The following CAPN14 variants were observed in gnomAD, a reference collection of about 807,000 sequenced individuals.
CAPN14 encodes the protein calpain-14.
In CAPN14, 94 loss-of-function variants were observed where a neutral mutation model predicts 101.3. That is an observed-to-expected ratio of 0.93 (90% CI 0.79 to 1.10). The LOEUF is 1.10. Ranked by LOEUF, CAPN14 falls within the 50% of genes least tolerant of loss-of-function variation. The pLI is 0.00. For synonymous variants in CAPN14, 338 were observed against 317.9 expected, an observed-to-expected ratio of 1.06 and a Z score of -0.67; for missense variants, 837 against 828.4, an observed-to-expected ratio of 1.01 and a Z score of -0.13.
In CAPN14 at chr2:31,177,834, A is replaced by G; in HGVS notation, c.1780-13T>C. The stretch of plus-strand genomic sequence containing the variant: ...TGTGGAAAACCTTCTGCAAAGAACC[A>G]AATAAGAGGTTCAGGAAGCCAGGCA... On this transcript the variant is annotated splice_polypyrimidine_tract_variant and intron_variant, in intron 18 of 21. Transcript: ENST00000403897. The G allele has an allele frequency of 6.5e-7, 1 of 1,549,414 alleles. No individual in the cohort carries two copies. The highest frequency in any genetic ancestry group is 2.4e-5 in the East Asian group (1 of 40,922).
intron 1 of CAPN14, chr2:31,228,536 G>A (rs961894472): frequency 1.3e-5 from 2 of 152,196 alleles, no homozygotes; most frequent in Admixed American, 6.5e-5. Context: ...CACAAATGAA[G>A]TGAAAGAAGT....
upstream of CAPN14, among the ~76,000 whole-genome samples, chr2:31,220,111 C>G (rs541245290): frequency 4.6e-5 from 7 of 152,200 alleles, no homozygotes; most frequent in South Asian, 1.5e-3. Context: ...TTAACCTCAC[C>G]ATAATATTTG....
At chr2:31,197,087 A>G (rs1681503581) in intron 8 of CAPN14, among the ~76,000 whole-genome samples, 162 bp downstream of exon 8, 1 of 152,222 alleles carries the variant, frequency 6.6e-6, no homozygotes, top group South Asian at 2.1e-4. Context: ...TCTCTATACC[A>G]TAAAGCATCT....
intron 17 of CAPN14, among the ~76,000 whole-genome samples, chr2:31,180,120 C>A (rs1481161462): frequency 2.0e-5 from 3 of 152,034 alleles, no homozygotes; most frequent in Admixed American, 6.6e-5. Flanking sequence ...CTATTTGAGC[C>A]CTCACCATGA....
Position 31,177,666 on chromosome 2 carries a change from C to T in CAPN14, c.1855+80G>A, listed in dbSNP as rs1680372417. 7 of 1,024,686 alleles carry T rather than the reference C, an allele frequency of 6.8e-6. No homozygotes were observed. In the South Asian group the frequency reaches 8.2e-5, roughly 12 times the overall value. 63.5% of individuals were successfully genotyped at this position (1,024,686 alleles called of 1,614,324 possible). A position where few individuals can be genotyped will look rare whatever the true frequency, so the allele number is the denominator to read the frequency against. On this transcript the variant is annotated intron_variant, in intron 19 of 21. Coordinates refer to ENST00000403897, the MANE Select transcript of CAPN14 (RefSeq NM_001145122.2). ...TGCGTATTAGAGTTACTTCAGCATGCCACACATCCCCTCTCCTCTGCCTGA... is the reference window on the plus strand; with the variant it reads ...TGCGTATTAGAGTTACTTCAGCATGTCACACATCCCCTCTCCTCTGCCTGA...
chr2:31,176,117 A>C (rs747222762), intron 21 of CAPN14, among the ~76,000 whole-genome samples: 6 of 152,176 alleles, frequency 3.9e-5, no homozygotes, highest in Non-Finnish European at 8.8e-5. Flanking sequence ...CCTTGGTTTC[A>C]GAGGCCTACT....
chr2:31,202,548 T>G (rs1681848626), intron 3 of CAPN14, among the ~76,000 whole-genome samples: 1 of 152,124 alleles, frequency 6.6e-6, no homozygotes, highest in Admixed American at 6.5e-5. Context: ...CGCCACTCAC[T>G]TTTTCCAAAT....
At chr2:31,195,060 C>CA (rs974151281) in intron 8 of CAPN14, among the ~76,000 whole-genome samples, 2 of 151,888 alleles carry the variant, frequency 1.3e-5, no homozygotes, top group African/African-American at 4.8e-5. Flanking sequence ...GAGAGGGACT[C>CA]AAAAAAAGAA....
chr2:31,181,513 TTTTTTA>T (rs1447964876), intron 16 of CAPN14, among the ~76,000 whole-genome samples: 1 of 124,972 alleles, frequency 8.0e-6, no homozygotes, highest in Non-Finnish European at 1.6e-5. Flanking sequence ...TTTCTTTCTT[TTTTTTA>T]TTTTTTTATT....
At position 31,200,585 on chromosome 2, in the gene CAPN14, A is replaced by G. The variant is rs751713275; in HGVS notation, c.592T>C (p.Ser198Pro). The G allele has an allele frequency of 3.9e-6, 6 of 1,551,526 alleles. No individual in the cohort carries two copies. The highest frequency in any genetic ancestry group is 1.7e-6 in the Non-Finnish European group (2 of 1,146,974). Reference sequence around the variant, plus strand: ...CCAGTGAAGTCTACAAGGGCTTCAGACACCTGTCCTGACTGCAAGTCTTCA... The same window carrying G: ...CCAGTGAAGTCTACAAGGGCTTCAGGCACCTGTCCTGACTGCAAGTCTTCA... Reference protein sequence around the residue: ...SYEDLQSGQVSEALVDFTGGV... With the variant: ...SYEDLQSGQVPEALVDFTGGV... The change falls in exon 6 of 22, where the codon TCT (serine) becomes CCT (proline). Residue 198 changes from serine to proline, a missense_variant. Coordinates refer to ENST00000403897, the MANE Select transcript of CAPN14 (RefSeq NM_001145122.2).
Position 31,230,223 on chromosome 2 carries a change from T to C in CAPN14, c.-177+3568A>G, listed in dbSNP as rs1683148394. ...ACTAGACCCCAGTGTGGTATATATTTTATATGAATGTGGCACATTTATCCA... is the reference window on the plus strand; with the variant it reads ...ACTAGACCCCAGTGTGGTATATATTCTATATGAATGTGGCACATTTATCCA... On this transcript the variant is annotated intron_variant and NMD_transcript_variant, in intron 1 of 21. Transcript: ENST00000398824. This position sits in a 1 kb window ranked among gnomAD's most constrained non-coding sequence, Gnocchi z 4.3. 6.6e-6 allele frequency among the ~76,000 whole-genome samples: 1 copy of C among 152,202 alleles called. No individual in the cohort carries two copies. Among genetic ancestry groups the C allele is most frequent in the Admixed American group, 6.5e-5 (1 of 15,282 alleles).
At chr2:31,200,756 G>T in intron 5 of CAPN14, 131 bp from the exon 6 acceptor site, 1 of 858,608 alleles carries the variant, frequency 1.2e-6, no homozygotes, top group Non-Finnish European at 1.7e-6. Context: ...AGGCAACCCT[G>T]ACATAGTTTC....
At chr2:31,228,063 G>A (rs1441451460) in intron 1 of CAPN14, among the ~76,000 whole-genome samples, 1 of 152,244 alleles carries the variant, frequency 6.6e-6, no homozygotes, top group Admixed American at 6.5e-5. Context: ...GCGTGGTGAG[G>A]AGCAGGAAGC....
At chr2:31,181,746 C>T (rs1436196046) in intron 16 of CAPN14, among the ~76,000 whole-genome samples, 1 of 134,220 alleles carries the variant, frequency 7.5e-6, no homozygotes, top group Non-Finnish European at 1.5e-5. Flanking sequence ...TTGTTCAATT[C>T]CCACCTATGA....
intron 1 of CAPN14, among the ~76,000 whole-genome samples, chr2:31,215,092 C>A (rs1320736521): frequency 6.6e-5 from 10 of 152,198 alleles, no homozygotes; most frequent in Admixed American, 3.3e-4. Context: ...CACTTTCAAC[C>A]CCAAGAGGTA....
At chr2:31,191,814 T>C (rs932294344) in intron 11 of CAPN14, 121 bp downstream of exon 11, 2 of 1,010,450 alleles carry the variant, frequency 2.0e-6, no homozygotes, top group African/African-American at 3.3e-5. Context: ...AGCCTGGATT[T>C]GAAAACCCAG....
chr2:31,215,270 C>CTTT lies in CAPN14; in HGVS notation c.-53+2183_-53+2185dup, dbSNP rs56002934. 1.7e-4 allele frequency among the ~76,000 whole-genome samples: 26 copies of CTTT among 149,572 alleles called. No individual in the cohort carries two copies. In the South Asian group the frequency reaches 1.9e-3, roughly 11 times the overall value. ...TTTTAAAGCAGATGTAAATTCATTC[C>CTTT]TTTTTTTTTTTGCAGGGGCATTTGC... On this transcript the variant is annotated intron_variant, in intron 1 of 21. Coordinates refer to ENST00000403897, the MANE Select transcript of CAPN14 (RefSeq NM_001145122.2).
At chr2:31,194,635 T>C (rs1469622621) in intron 8 of CAPN14, among the ~76,000 whole-genome samples, 152 bp from the exon 9 acceptor site, 1 of 152,228 alleles carries the variant, frequency 6.6e-6, no homozygotes, top group African/African-American at 2.4e-5. Context: ...TGAACATGAA[T>C]TGATAGCTTA....
rs978831937 is a variant in CAPN14 at position 31,205,244 on chromosome 2, G to A, written c.204C>T (p.Arg68=). The change falls in exon 2 of 22, where the codon CGC becomes CGT. Residue 68 remains arginine (R), a synonymous_variant. Transcript: ENST00000403897. Reference sequence around the variant, plus strand: ...TCACCGGGGGCCTCTTCCACTGCAGGCGGGGTGGCAGCTTCTGCAGCAGGG... The same window carrying A: ...TCACCGGGGGCCTCTTCCACTGCAGACGGGGTGGCAGCTTCTGCAGCAGGG... The part of the protein sequence containing the change: ...SGSLLQKLPP[R]LQWKRPPELH... The A allele has an allele frequency of 6.5e-7, 1 of 1,549,708 alleles. No individual in the cohort carries two copies. Among genetic ancestry groups the A allele is most frequent in the African/African-American group, 1.4e-5 (1 of 73,088 alleles).
Sources: allele counts gnomAD v4.1 joint callset (sites outside exome capture counted in the v4.1 genomes callset), GRCh38; gene constraint gnomAD v4.1.1; non-coding constraint Gnocchi (gnomAD v3.1); transcripts MANE v1.5; gene names NCBI Gene and HGNC (gene_info 2026-07-23, HGNC 2026-07-21).